CDH2: variants seen among roughly 807,000 people sequenced by gnomAD.
CDH2 encodes cadherin 2, also known as cadherin-2.
A neutral mutation model predicts 92.0 loss-of-function variants in CDH2; 17 were observed. The observed-to-expected ratio is 0.18, with a 90% CI of 0.13 to 0.28. CDH2 has a LOEUF of 0.28. CDH2 is among the 10% of genes least tolerant of loss of function. CDH2 has a pLI of 1.00. For missense variants in CDH2, 862 were observed against 1,133.1 expected, an observed-to-expected ratio of 0.76 and a Z score of 3.44; for synonymous variants, 419 against 415.9, an observed-to-expected ratio of 1.01 and a Z score of -0.09.
chr18:28,169,596 A>G (rs2016434689), intron 1 of CDH2, among the ~76,000 whole-genome samples: 1 of 152,200 alleles, frequency 6.6e-6, no homozygotes, highest in Admixed American at 6.5e-5. Context: ...AATGTTTTTA[A>G]TTACACAAAA....
intron 2 of CDH2, among the ~76,000 whole-genome samples, chr18:28,088,394 T>A (rs951195450): frequency 2.4e-4 from 37 of 152,360 alleles, no homozygotes; most frequent in African/African-American, 8.2e-4. Context: ...TTAATGTTAA[T>A]TTATCAATCT....
chr18:27,958,049 A>C (rs2011294977), intron 15 of CDH2, among the ~76,000 whole-genome samples: 1 of 152,214 alleles, frequency 6.6e-6, no homozygotes, highest in Non-Finnish European at 1.5e-5. Flanking sequence ...AGCACATTAC[A>C]AAGATAATCT....
chr18:28,030,516 G>GA (rs1405563722), intron 2 of CDH2, among the ~76,000 whole-genome samples: 2 of 151,940 alleles, frequency 1.3e-5, no homozygotes, highest in African/African-American at 4.8e-5. Context: ...AACAACAAAA[G>GA]AAAAAACCTG....
At chr18:28,061,839 G>A (rs779507365) in intron 2 of CDH2, among the ~76,000 whole-genome samples, 3 of 152,088 alleles carry the variant, frequency 2.0e-5, no homozygotes, top group Non-Finnish European at 4.4e-5. Context: ...AAAACCATCA[G>A]ATCTCATGAG....
At chr18:28,082,868 G>A (rs1599086775) in intron 2 of CDH2, among the ~76,000 whole-genome samples, 2 of 152,282 alleles carry the variant, frequency 1.3e-5, no homozygotes, top group South Asian at 2.1e-4. Context: ...CAGCACTGGT[G>A]GAAGGCTGGA....
At chr18:28,114,487 A>G (rs1482350047) in intron 2 of CDH2, among the ~76,000 whole-genome samples, 1 of 152,170 alleles carries the variant, frequency 6.6e-6, no homozygotes. Context: ...CGGAAAAAAA[A>G]GTGATTCAAT....
chr18:28,148,425 A>G (rs911813424), intron 1 of CDH2, among the ~76,000 whole-genome samples: 1 of 152,184 alleles, frequency 6.6e-6, no homozygotes, highest in African/African-American at 2.4e-5. Flanking sequence ...AGTATCTGTC[A>G]TTTTCTATAT....
intron 1 of CDH2, among the ~76,000 whole-genome samples, chr18:28,172,248 T>C (rs2144372260): frequency 6.6e-6 from 1 of 152,254 alleles, no homozygotes; most frequent in East Asian, 1.9e-4. Flanking sequence ...GAGACTATTA[T>C]AACATAAATC....
chr18:28,176,912 GCCGC>G, intron 1 of CDH2, 47 bp downstream of exon 1: 2 of 1,102,774 alleles, frequency 1.8e-6, no homozygotes, highest in Non-Finnish European at 2.3e-6. Context: ...GGGACCCGGC[GCCGC>G]CCGCCCCACC....
At chr18:28,030,020 T>G (rs538880399) in intron 2 of CDH2, among the ~76,000 whole-genome samples, 1 of 152,252 alleles carries the variant, frequency 6.6e-6, no homozygotes, top group Admixed American at 6.5e-5. Flanking sequence ...TTTCTCAATC[T>G]GTATGTATTA....
chr18:28,025,754 C>A (rs941343850), intron 2 of CDH2, among the ~76,000 whole-genome samples: 2 of 151,670 alleles, frequency 1.3e-5, no homozygotes, highest in African/African-American at 4.8e-5. Flanking sequence ...GAATGAGTTT[C>A]GTGGTTCTAT....
intron 2 of CDH2, among the ~76,000 whole-genome samples, chr18:28,145,384 C>T (rs868214584): frequency 1.4e-4 from 22 of 152,050 alleles, no homozygotes; most frequent in East Asian, 1.9e-4. Flanking sequence ...ACACTATAGG[C>T]GACAAAATCA....
intron 13 of CDH2, among the ~76,000 whole-genome samples, chr18:27,983,646 GCTAGGGGATTCCTTTGAACA>G (rs1365574480): frequency 2.0e-5 from 3 of 152,180 alleles, no homozygotes; most frequent in Non-Finnish European, 4.4e-5. Flanking sequence ...AGCTAAGAAA[GCTAGGGGATTCCTTTGAACA>G]CTGAAATAAT....
intron 14 of CDH2, among the ~76,000 whole-genome samples, chr18:27,966,014 AAAGAT>A (rs2011526422): frequency 2.0e-5 from 3 of 151,174 alleles, no homozygotes; most frequent in Non-Finnish European, 2.9e-5. Flanking sequence ...AAAAAAAAAA[AAAGAT>A]TTATTCAGAG....
chr18:28,043,461 AATAT>A (rs1158754890), intron 2 of CDH2, among the ~76,000 whole-genome samples: 6,522 of 71,480 alleles, frequency 0.091, 350 homozygotes, highest in Non-Finnish European at 0.11. Flanking sequence ...GATATAAATA[AATAT>A]ATATATATAT....
chr18:27,949,921 C>CAT (rs1188303710), downstream of CDH2, among the ~76,000 whole-genome samples: 1 of 151,614 alleles, frequency 6.6e-6, no homozygotes, highest in Non-Finnish European at 1.5e-5. Context: ...GTACATCAAC[C>CAT]ATAAGAAAAT....
intron 15 of CDH2, among the ~76,000 whole-genome samples, chr18:27,954,858 T>C (rs1184111146): frequency 6.6e-6 from 1 of 152,162 alleles, no homozygotes; most frequent in Non-Finnish European, 1.5e-5. Flanking sequence ...CTCGTGGAGT[T>C]AATATTCACA....
intron 14 of CDH2, among the ~76,000 whole-genome samples, chr18:27,969,058 G>A (rs1022555766): frequency 6.6e-6 from 1 of 152,106 alleles, no homozygotes; most frequent in Non-Finnish European, 1.5e-5. Context: ...ATTACATTAC[G>A]ACCTGATTTT....
At chr18:28,117,415 T>A (rs532974950) in intron 2 of CDH2, among the ~76,000 whole-genome samples, 1 of 152,244 alleles carries the variant, frequency 6.6e-6, no homozygotes, top group East Asian at 1.9e-4. Flanking sequence ...TTAGGGCTGC[T>A]TACACCAAGC....
Sources: gnomAD v4.1 joint callset for allele counts (sites outside exome capture counted in the v4.1 genomes callset) on GRCh38, gnomAD v4.1.1 for gene constraint, MANE v1.5 for transcripts, NCBI Gene and HGNC (gene_info 2026-07-23, HGNC 2026-07-21) for gene names.